KIF13A: variants seen among roughly 807,000 people sequenced by gnomAD.
The protein encoded by KIF13A is kinesin-like protein KIF13A.
A neutral mutation model predicts 212.2 loss-of-function variants in KIF13A; 79 were observed. That is an observed-to-expected ratio of 0.37 (90% CI 0.31 to 0.45). The LOEUF (loss-of-function observed/expected upper bound fraction) is 0.45. Among genes scored for constraint, KIF13A ranks in the 20% least tolerant of loss-of-function variants. The probability of loss-of-function intolerance (pLI) is 1.00; values close to 1 mark genes in which losing one functional copy is unlikely to be tolerated. For synonymous variants in KIF13A, 789 were observed against 808.6 expected, an observed-to-expected ratio of 0.98 and a Z score of 0.41; for missense variants, 1,901 against 2,209.0, an observed-to-expected ratio of 0.86 and a Z score of 2.79.
In KIF13A at chr6:17,918,751, G is replaced by A. The variant is rs544398426; in HGVS notation, c.147-20571C>T. Among the ~76,000 whole-genome samples, 14 of 152,134 alleles carry A rather than the reference G, an allele frequency of 9.2e-5. No individual in the cohort carries two copies. The highest frequency in any genetic ancestry group is 3.9e-4 in the East Asian group (2 of 5,160). ...CTTGCTCCTCAGAGGAGTGTTCCCC[G>A]TACTCCCTACATTAATGTTGAGGCT... On this transcript the variant is annotated intron_variant, in intron 2 of 38. Coordinates refer to ENST00000259711, the MANE Select transcript of KIF13A (RefSeq NM_022113.6). This position sits in a 1 kb window ranked among gnomAD's most constrained non-coding sequence, Gnocchi z 4.8.
At chr6:17,979,702 G>A (rs1356739929) in intron 2 of KIF13A, among the ~76,000 whole-genome samples, 3 of 150,450 alleles carry the variant, frequency 2.0e-5, no homozygotes, top group East Asian at 1.9e-4. Context: ...AGACTATATG[G>A]AGAAAATTAT....
chr6:17,811,786 T>G lies in KIF13A; in HGVS notation c.2001-2856A>C, dbSNP rs552904802. ...GTCTTTGAATGACATTCCCAAAATATCTCATCTTTTTTTTTCTTCCTTCCT... is the reference window on the plus strand; with the variant it reads ...GTCTTTGAATGACATTCCCAAAATAGCTCATCTTTTTTTTTCTTCCTTCCT... On this transcript the variant is annotated intron_variant, in intron 17 of 38. Coordinates refer to ENST00000259711, the MANE Select transcript of KIF13A (RefSeq NM_022113.6). The surrounding 1 kb of genome is among the most constrained non-coding windows in gnomAD (Gnocchi z 6.0). Among the ~76,000 whole-genome samples, 1 of 152,262 alleles carries G rather than the reference T, an allele frequency of 6.6e-6. No homozygotes were observed. The highest frequency in any genetic ancestry group is 1.9e-4 in the East Asian group (1 of 5,180).
chr6:17,950,991 T>C (rs1777796589), intron 2 of KIF13A: 2 of 980,032 alleles, frequency 2.0e-6, no homozygotes, highest in Non-Finnish European at 2.4e-6. Context: ...CTCAAATGAA[T>C]ATAACACTAT....
Position 17,794,959 on chromosome 6 carries a change from T to G in KIF13A, c.2943-255A>C. The G allele has an allele frequency of 2.5e-6, 1 of 395,754 alleles. No homozygotes were observed. The highest frequency in any genetic ancestry group is 4.2e-5 in the Admixed American group (1 of 23,932). 24.5% of individuals were successfully genotyped at this position (395,754 alleles called of 1,614,324 possible). On this transcript the variant is annotated intron_variant, in intron 23 of 38. Transcript: ENST00000259711. This position sits in a 1 kb window ranked among gnomAD's most constrained non-coding sequence, Gnocchi z 4.1. The stretch of plus-strand genomic sequence containing the variant: ...GAGTTTTGAGAAATGCACATATGAG[T>G]GTAACCTGCCCTATCACCTCAGAAA...
chr6:17,778,810 G>C (rs1262463876), intron 33 of KIF13A, 137 bp downstream of exon 33: 1 of 953,636 alleles, frequency 1.0e-6, no homozygotes, highest in East Asian at 2.6e-5. Flanking sequence ...TATTTTGCCA[G>C]AGTCCTTTCA....
intron 18 of KIF13A, among the ~76,000 whole-genome samples, chr6:17,807,662 T>C (rs548446656): frequency 8.5e-5 from 13 of 152,282 alleles, no homozygotes; most frequent in African/African-American, 3.1e-4. Flanking sequence ...TAGTTCTGCT[T>C]TTTGTCCTTT....
In KIF13A at chr6:17,850,526, A is replaced by G. The variant is rs1259814107; in HGVS notation, c.583-69T>C. 1 of 1,452,934 alleles carries G rather than the reference A, an allele frequency of 6.9e-7. No individual in the cohort carries two copies. Among genetic ancestry groups the G allele is most frequent in the African/African-American group, 1.4e-5 (1 of 70,772 alleles). 90.0% of individuals were successfully genotyped at this position (1,452,934 alleles called of 1,614,324 possible). A position where few individuals can be genotyped will look rare whatever the true frequency, so the allele number is the denominator to read the frequency against. ...GAATGTAGTCCTGCACACCAGGTATATGTATTAATTATGATTCCTCTGATG... is the reference window on the plus strand; with the variant it reads ...GAATGTAGTCCTGCACACCAGGTATGTGTATTAATTATGATTCCTCTGATG... On this transcript the variant is annotated intron_variant, in intron 7 of 38. Coordinates refer to ENST00000259711, the MANE Select transcript of KIF13A (RefSeq NM_022113.6). The surrounding 1 kb of genome is among the most constrained non-coding windows in gnomAD (Gnocchi z 6.2).
At chr6:17,985,394 C>A (rs945394085) in intron 2 of KIF13A, among the ~76,000 whole-genome samples, 5 of 152,098 alleles carry the variant, frequency 3.3e-5, no homozygotes. Flanking sequence ...ATAGATTGTA[C>A]CAAATCCCAC....
intron 2 of KIF13A, among the ~76,000 whole-genome samples, chr6:17,952,720 G>A (rs1777974747): frequency 6.6e-6 from 1 of 152,080 alleles, no homozygotes; most frequent in Non-Finnish European, 1.5e-5. Context: ...CACGAGGTCA[G>A]GAGATTGAGA....
rs1764030298 is a variant in KIF13A, at chr6:17,817,246, G to C, written c.1787-13C>G. On this transcript the variant is annotated splice_polypyrimidine_tract_variant and intron_variant, in intron 16 of 38. Transcript: ENST00000259711. Reference sequence around the variant, plus strand: ...TTTTGAACTGGGTCTAGTGAGCCAAGAGACAAGGCAAGGTGTCTTAGTGGC... The same window carrying C: ...TTTTGAACTGGGTCTAGTGAGCCAACAGACAAGGCAAGGTGTCTTAGTGGC... The C allele has an allele frequency of 1.2e-6, 2 of 1,611,952 alleles. No homozygotes were observed. Among genetic ancestry groups the C allele is most frequent in the Non-Finnish European group, 1.7e-6 (2 of 1,178,060 alleles).
intron 3 of KIF13A, among the ~76,000 whole-genome samples, chr6:17,893,832 C>CTT (rs139288852): frequency 0.015 from 1,155 of 76,984 alleles, no homozygotes; most frequent in Non-Finnish European, 0.019. Context: ...TTTCCTGCAT[C>CTT]TTTTTTTTTT....
At chr6:17,831,951 G>C (rs1765490607) in intron 12 of KIF13A, among the ~76,000 whole-genome samples, 1 of 151,986 alleles carries the variant, frequency 6.6e-6, no homozygotes. Flanking sequence ...ATTCTGGTGG[G>C]AGGAGACAGG....
rs145364192 is a variant in KIF13A, at chr6:17,898,200, A to C, written c.147-20T>G. 3.9e-4 allele frequency: 635 copies of C among 1,612,826 alleles called. 1 individual carries two copies. In the African/African-American group the frequency reaches 7.9e-3, roughly 20 times the overall value. On this transcript the variant is annotated intron_variant, in intron 2 of 38. Coordinates refer to ENST00000259711, the MANE Select transcript of KIF13A (RefSeq NM_022113.6). The surrounding 1 kb of genome is among the most constrained non-coding windows in gnomAD (Gnocchi z 5.2). The stretch of plus-strand genomic sequence containing the variant: ...GGTTTCCTTAATGATGGGAAAAAAA[A>C]AATTCAGCAGCAGGGATACAGAGGG...
At chr6:17,940,048 T>TAAAAA (rs56365666) in intron 2 of KIF13A, among the ~76,000 whole-genome samples, 54,697 of 120,792 alleles carry the variant, frequency 0.45, 13,491 homozygotes, top group East Asian at 0.56. Flanking sequence ...TCTCATAAAT[T>TAAAAA]AAAAAAAAAA....
chr6:17,853,049 T>A (rs71556144), intron 6 of KIF13A, among the ~76,000 whole-genome samples: 7,994 of 152,286 alleles, frequency 0.052, 281 homozygotes, highest in Non-Finnish European at 0.08. Flanking sequence ...ATATTAATCA[T>A]CTTTCAAATT....
At chr6:17,966,765 T>G (rs1232430363) in intron 2 of KIF13A, among the ~76,000 whole-genome samples, 1 of 152,222 alleles carries the variant, frequency 6.6e-6, no homozygotes, top group Non-Finnish European at 1.5e-5. Context: ...TTCTGTCTTA[T>G]GATTCTTATT....
At chr6:17,835,184 C>T (rs746641380) in intron 11 of KIF13A, among the ~76,000 whole-genome samples, 10 of 107,176 alleles carry the variant, frequency 9.3e-5, no homozygotes, top group Non-Finnish European at 1.6e-4. Context: ...ACTCTGTCCA[C>T]CCGCCCCCGC....
At chr6:17,774,698 G>C (rs1453188193) in intron 35 of KIF13A, among the ~76,000 whole-genome samples, 1 of 151,844 alleles carries the variant, frequency 6.6e-6, no homozygotes, top group Admixed American at 6.6e-5. Context: ...GCTTGAACCT[G>C]GGAGGTGGAG....
chr6:17,774,894 CT>C (rs1025540967), intron 35 of KIF13A, 120 bp downstream of exon 35: 436 of 627,964 alleles, frequency 6.9e-4, no homozygotes, highest in South Asian at 1.2e-3. Flanking sequence ...TTTTCTTTTT[CT>C]TTTTTTTTAA....
Sources: allele counts gnomAD v4.1 joint callset (sites outside exome capture counted in the v4.1 genomes callset), GRCh38; gene constraint gnomAD v4.1.1; non-coding constraint Gnocchi (gnomAD v3.1); transcripts MANE v1.5; gene names NCBI Gene and HGNC (gene_info 2026-07-23, HGNC 2026-07-21).